ZNF385D: variants seen among roughly 807,000 people sequenced by gnomAD.
ZNF385D encodes the protein zinc finger protein 385D.
Under a neutral mutation model 35.8 loss-of-function variants are expected in ZNF385D, and 15 were observed. That is an observed-to-expected ratio of 0.42 (90% CI 0.28 to 0.64). The LOEUF (loss-of-function observed/expected upper bound fraction) is 0.64, where lower values mean the gene tolerates loss of function less well. Among genes scored for constraint, ZNF385D ranks in the 30% least tolerant of loss-of-function variants. ZNF385D has a pLI of 0.23. For missense variants in ZNF385D, 474 were observed against 494.6 expected (o/e 0.96, Z 0.39); for synonymous variants, 212 against 186.8 (o/e 1.13, Z -1.10).
At chr3:21,829,880 T>G (rs1694879759) in intron 3 of ZNF385D, among the ~76,000 whole-genome samples, 1 of 151,918 alleles carries the variant, frequency 6.6e-6, no homozygotes, top group Non-Finnish European at 1.5e-5. Context: ...TCTCAACACT[T>G]TGGGAGGTCG....
At chr3:21,745,456 T>G (rs2125537996) in intron 1 of ZNF385D, among the ~76,000 whole-genome samples, 1 of 152,324 alleles carries the variant, frequency 6.6e-6, no homozygotes, top group Admixed American at 6.5e-5. Flanking sequence ...GACTTCCAGC[T>G]GCTTCATAAC....
intron 3 of ZNF385D, among the ~76,000 whole-genome samples, chr3:21,534,343 C>A (rs1163743597): frequency 6.6e-6 from 1 of 152,010 alleles, no homozygotes; most frequent in African/African-American, 2.4e-5. Context: ...TAGATTTGAA[C>A]AGATTGTTCC....
chr3:22,150,258 C>G (rs1016968324), intron 3 of ZNF385D, among the ~76,000 whole-genome samples: 1 of 152,124 alleles, frequency 6.6e-6, no homozygotes, highest in African/African-American at 2.4e-5. Context: ...TCAAATAGGG[C>G]CTCATATACA....
At chr3:21,804,124 A>T (rs1196261099) in intron 3 of ZNF385D, among the ~76,000 whole-genome samples, 2 of 152,234 alleles carry the variant, frequency 1.3e-5, no homozygotes. Context: ...AAAAGTGTGT[A>T]AATTTCTTGT....
chr3:22,072,692 G>A (rs886750126), intron 3 of ZNF385D, among the ~76,000 whole-genome samples: 1 of 151,444 alleles, frequency 6.6e-6, no homozygotes, highest in Non-Finnish European at 1.5e-5. Context: ...GGAGAAAGAG[G>A]GAGAAAGGGA....
chr3:21,991,751 GTCCAT>G (rs1695164559), intron 3 of ZNF385D, among the ~76,000 whole-genome samples: 1 of 152,218 alleles, frequency 6.6e-6, no homozygotes, highest in Admixed American at 6.5e-5. Context: ...AACTTGAAAT[GTCCAT>G]CCTCTTCACT....
At chr3:22,039,630 C>G (rs1698542748) in intron 3 of ZNF385D, among the ~76,000 whole-genome samples, 1 of 152,032 alleles carries the variant, frequency 6.6e-6, no homozygotes, top group African/African-American at 2.4e-5. Flanking sequence ...TTCATTCAAC[C>G]TAATACATAA....
chr3:21,526,913 T>C (rs1708262399), intron 3 of ZNF385D, among the ~76,000 whole-genome samples: 1 of 152,158 alleles, frequency 6.6e-6, no homozygotes, highest in Admixed American at 6.5e-5. Flanking sequence ...GGTATTTCCA[T>C]ATTATAAGTG....
At chr3:22,063,609 T>G (rs73035913) in intron 3 of ZNF385D, among the ~76,000 whole-genome samples, 22,616 of 152,142 alleles carry the variant, frequency 0.15, 2,313 homozygotes, top group Non-Finnish European at 0.2. Context: ...GTAATATATT[T>G]GTAGAGGATG....
chr3:22,136,411 C>T (rs895239780), intron 3 of ZNF385D, among the ~76,000 whole-genome samples: 1 of 151,092 alleles, frequency 6.6e-6, no homozygotes, highest in African/African-American at 2.4e-5. Flanking sequence ...TATCAACAAT[C>T]TACATATCAT....
At chr3:22,138,380 C>A (rs1424652837) in intron 3 of ZNF385D, among the ~76,000 whole-genome samples, 1 of 152,112 alleles carries the variant, frequency 6.6e-6, no homozygotes, top group Non-Finnish European at 1.5e-5. Context: ...GCCAAAAGAA[C>A]AAAGCTGGAG....
chr3:21,739,246 T>G (rs2069389456), intron 1 of ZNF385D, among the ~76,000 whole-genome samples: 2 of 152,178 alleles, frequency 1.3e-5, no homozygotes, highest in African/African-American at 2.4e-5. Context: ...GCTATCACAC[T>G]CCATAAACAT....
intron 3 of ZNF385D, among the ~76,000 whole-genome samples, chr3:21,997,119 C>G (rs1477567599): frequency 6.6e-6 from 1 of 151,690 alleles, no homozygotes; most frequent in Non-Finnish European, 1.5e-5. Flanking sequence ...CAATGATAGA[C>G]TGGATTAAGA....
intron 3 of ZNF385D, among the ~76,000 whole-genome samples, chr3:22,016,848 T>A (rs1332439473): frequency 6.6e-6 from 1 of 151,996 alleles, no homozygotes. Context: ...CCTCTATAAG[T>A]GGCAAATTGT....
chr3:22,177,368 T>C (rs1694905576), intron 2 of ZNF385D, among the ~76,000 whole-genome samples: 1 of 152,186 alleles, frequency 6.6e-6, no homozygotes, highest in African/African-American at 2.4e-5. Flanking sequence ...TAGAGAATGA[T>C]TGTTCTTATG....
intron 2 of ZNF385D, among the ~76,000 whole-genome samples, chr3:22,257,768 CTG>C (rs954129426): frequency 2.0e-5 from 3 of 151,806 alleles, no homozygotes; most frequent in Admixed American, 6.6e-5. Flanking sequence ...TAGGGTAAAA[CTG>C]TTGTTACAGT....
chr3:22,134,270 T>G (rs1703971876), intron 3 of ZNF385D: 1 of 151,938 alleles, frequency 6.6e-6, no homozygotes, highest in Non-Finnish European at 1.5e-5. Flanking sequence ...TATATTAATA[T>G]TAAACAAAAT....
intron 2 of ZNF385D, among the ~76,000 whole-genome samples, chr3:22,198,199 G>C (rs1458745932): frequency 6.6e-6 from 1 of 152,074 alleles, no homozygotes; most frequent in Non-Finnish European, 1.5e-5. Flanking sequence ...ATTTCTAGTA[G>C]CTGGATTTGG....
intron 2 of ZNF385D, among the ~76,000 whole-genome samples, chr3:22,334,994 A>G (rs1695100352): frequency 6.6e-6 from 1 of 152,180 alleles, no homozygotes; most frequent in Admixed American, 6.5e-5. Context: ...GTGTTAATTC[A>G]ACAAATATTA....
Sources: gnomAD v4.1 joint callset for allele counts (sites outside exome capture counted in the v4.1 genomes callset) on GRCh38, gnomAD v4.1.1 for gene constraint, MANE v1.5 for transcripts, NCBI Gene and HGNC (gene_info 2026-07-23, HGNC 2026-07-21) for gene names.